RBFOX1: variants seen among roughly 807,000 people sequenced by gnomAD.
RBFOX1 encodes RNA binding fox-1 homolog 1.
RBFOX1 carries 8 observed loss-of-function variants against 57.7 expected under a neutral mutation model. That is an observed-to-expected ratio of 0.14 (90% CI 0.08 to 0.25). RBFOX1 has a LOEUF of 0.25. RBFOX1 is among the 10% of genes least tolerant of loss of function. The pLI is 1.00. For missense variants in RBFOX1, 611 were observed against 548.5 expected, an observed-to-expected ratio of 1.11 and a Z score of -1.14; for synonymous variants, 326 against 222.4, an observed-to-expected ratio of 1.47 and a Z score of -4.15.
Position 6,084,555 on chromosome 16 carries a change from C to G in RBFOX1, c.-127+64563C>G, listed in dbSNP as rs118091079. 7.3e-4 allele frequency among the ~76,000 whole-genome samples: 111 copies of G among 152,180 alleles called. 3 individuals carry two copies. In the East Asian group the frequency reaches 0.02, roughly 28 times the overall value. Reference sequence around the variant, plus strand: ...CACTGCACCTGGCCCCTTCCTCATTCTTTTTGAAGTATTTTAGCTTTCAAA... The same window carrying G: ...CACTGCACCTGGCCCCTTCCTCATTGTTTTTGAAGTATTTTAGCTTTCAAA... On this transcript the variant is annotated intron_variant, in intron 1 of 15. Transcript: ENST00000550418.
chr16:7,370,140 C>G (rs1568461382), intron 4 of RBFOX1, among the ~76,000 whole-genome samples: 2 of 152,220 alleles, frequency 1.3e-5, no homozygotes, highest in South Asian at 4.1e-4. Context: ...GGCAGCAACT[C>G]TGGACTCCTC....
intron 11 of RBFOX1, among the ~76,000 whole-genome samples, chr16:7,644,768 T>C (rs991143419): frequency 3.3e-5 from 5 of 152,040 alleles, no homozygotes; most frequent in African/African-American, 1.2e-4. Context: ...AAGAAACTAA[T>C]GGGAAGGAAA....
chr16:5,779,563 C>G (rs558443114), intron 3 of RBFOX1, among the ~76,000 whole-genome samples: 3 of 152,154 alleles, frequency 2.0e-5, no homozygotes, highest in Non-Finnish European at 2.9e-5. Flanking sequence ...ATCCCTATAC[C>G]TTTGTGGGTG....
chr16:6,243,071 C>G lies in RBFOX1; in HGVS notation c.-126-73924C>G, dbSNP rs112128601. Among the ~76,000 whole-genome samples, 727 of 152,036 alleles carry G rather than the reference C, an allele frequency of 4.8e-3. 11 individuals carry two copies. The highest frequency in any genetic ancestry group is 0.016 in the African/African-American group (675 of 41,454). On this transcript the variant is annotated intron_variant, in intron 1 of 15. Coordinates refer to ENST00000550418, the MANE Select transcript of RBFOX1 (RefSeq NM_018723.4). ...TTAACAGAGAGTGAAGGTAAATATT[C>G]CCACTCATGTAAGAGTCTTATGATA...
chr16:6,892,059 CAGG>C (rs1234690031), intron 3 of RBFOX1, among the ~76,000 whole-genome samples: 3 of 152,132 alleles, frequency 2.0e-5, no homozygotes, highest in Admixed American at 6.5e-5. Flanking sequence ...GTGAAGTTGC[CAGG>C]TGGATGACAT....
chr16:5,379,093 TTGCATCAACCTAA>T (rs2066065329), intron 1 of RBFOX1, among the ~76,000 whole-genome samples: 1 of 151,560 alleles, frequency 6.6e-6, no homozygotes, highest in Admixed American at 6.5e-5. Context: ...GCAATAACTT[TTGCATCAACCTAA>T]TGCATCAACA....
At chr16:6,626,315 G>T (rs1218160030) in intron 2 of RBFOX1, among the ~76,000 whole-genome samples, 1 of 152,122 alleles carries the variant, frequency 6.6e-6, no homozygotes, top group African/African-American at 2.4e-5. Context: ...GGTCACCCAT[G>T]AACCTAGAAG....
At chr16:6,907,200 G>C (rs961228568) in intron 3 of RBFOX1, among the ~76,000 whole-genome samples, 1 of 152,126 alleles carries the variant, frequency 6.6e-6, no homozygotes, top group African/African-American at 2.4e-5. Context: ...CTGTAGGGCA[G>C]GGGCCAGGGA....
intron 4 of RBFOX1, among the ~76,000 whole-genome samples, chr16:7,357,234 G>GAAA (rs60020210): frequency 2.1e-5 from 3 of 141,210 alleles, no homozygotes. Flanking sequence ...AGGAGAAATG[G>GAAA]AAAAAAAAAA....
chr16:6,010,276 C>G (rs979872673), intron 4 of RBFOX1, among the ~76,000 whole-genome samples: 1 of 152,176 alleles, frequency 6.6e-6, no homozygotes, highest in Non-Finnish European at 1.5e-5. Flanking sequence ...CACCTCCCCT[C>G]CCCAGGATAA....
intron 3 of RBFOX1, among the ~76,000 whole-genome samples, chr16:6,854,142 C>G (rs370631243): frequency 6.4e-4 from 98 of 152,242 alleles, no homozygotes; most frequent in Middle Eastern, 3.4e-3. Flanking sequence ...AAAAGCAACT[C>G]AAAATATGAG....
rs2096263529 is a variant in RBFOX1, at chr16:6,097,849, A to C, written c.-127+77857A>C. Among the ~76,000 whole-genome samples the C allele has an allele frequency of 6.6e-6, 1 of 151,916 alleles. No individual in the cohort carries two copies. Among genetic ancestry groups the C allele is most frequent in the East Asian group, 1.9e-4 (1 of 5,132 alleles). ...ACTGGTGGAGTGGAAGTCCCTTGGA[A>C]GTGGGGGACGTGTCTGATTTGTGCA... On this transcript the variant is annotated intron_variant, in intron 1 of 15. Coordinates refer to ENST00000550418, the MANE Select transcript of RBFOX1 (RefSeq NM_018723.4). This position sits in a 1 kb window ranked among gnomAD's most constrained non-coding sequence, Gnocchi z 5.0.
At chr16:7,545,322 G>T (rs1297702916) in intron 5 of RBFOX1, among the ~76,000 whole-genome samples, 1 of 151,878 alleles carries the variant, frequency 6.6e-6, no homozygotes, top group East Asian at 1.9e-4. Context: ...GGTCATGGGG[G>T]TGGAGGTGGC....
At chr16:6,936,124 T>C (rs2077331305) in intron 3 of RBFOX1, among the ~76,000 whole-genome samples, 1 of 152,192 alleles carries the variant, frequency 6.6e-6, no homozygotes, top group South Asian at 2.1e-4. Flanking sequence ...GGGGTTCAGC[T>C]TCTGTACACT....
intron 3 of RBFOX1, among the ~76,000 whole-genome samples, chr16:6,657,922 A>G (rs2098671719): frequency 1.3e-5 from 2 of 151,776 alleles, no homozygotes; most frequent in African/African-American, 2.4e-5. Context: ...ATTTTTTATT[A>G]TTTTTTATTT....
intron 2 of RBFOX1, among the ~76,000 whole-genome samples, chr16:6,602,271 G>T (rs2097862260): frequency 6.6e-6 from 1 of 152,066 alleles, no homozygotes. Context: ...TCAGTGGGTT[G>T]CCTTTTCACT....
chr16:5,678,073 A>G (rs1423868735), intron 3 of RBFOX1, among the ~76,000 whole-genome samples: 1 of 152,120 alleles, frequency 6.6e-6, no homozygotes, highest in African/African-American at 2.4e-5. Context: ...GGTGTCGATG[A>G]ATGTCAGGAA....
intron 4 of RBFOX1, among the ~76,000 whole-genome samples, chr16:7,122,699 C>G (rs763954098): frequency 2.0e-5 from 3 of 152,008 alleles, no homozygotes; most frequent in Non-Finnish European, 2.9e-5. Flanking sequence ...ATCATAGAGC[C>G]TAGCAATCCT....
chr16:6,765,203 G>T (rs1162484929), intron 3 of RBFOX1, among the ~76,000 whole-genome samples: 2 of 152,050 alleles, frequency 1.3e-5, no homozygotes, highest in Admixed American at 1.3e-4. Context: ...GGAGGGGGTG[G>T]ACTAAAGGCT....
Sources: allele counts gnomAD v4.1 joint callset (sites outside exome capture counted in the v4.1 genomes callset), GRCh38; gene constraint gnomAD v4.1.1; non-coding constraint Gnocchi (gnomAD v3.1); transcripts MANE v1.5; gene names NCBI Gene and HGNC (gene_info 2026-07-23, HGNC 2026-07-21).